PSMC6: variants seen among roughly 807,000 people sequenced by gnomAD.
PSMC6 encodes proteasome 26S subunit, ATPase 6.
In PSMC6, 3 loss-of-function variants were observed where a neutral mutation model predicts 55.9. The observed-to-expected ratio is 0.05, with a 90% CI of 0.02 to 0.14. The LOEUF (loss-of-function observed/expected upper bound fraction) is 0.14. PSMC6 is among the 10% of genes least tolerant of loss of function. PSMC6 has a pLI of 1.00. For synonymous variants in PSMC6, 137 were observed against 155.9 expected (o/e 0.88, Z 0.90); for missense variants, 210 against 478.7 (o/e 0.44, Z 5.24).
At chr14:52,719,104 A>G in intron 10 of PSMC6, 66 bp downstream of exon 10, 5 of 1,274,108 alleles carry the variant, frequency 3.9e-6, no homozygotes, top group Non-Finnish European at 4.5e-6. Flanking sequence ...TGAACATTGC[A>G]TATTTGATAG....
intron 2 of PSMC6, 40 bp from the exon 3 acceptor site, chr14:52,708,443 G>T: frequency 6.2e-7 from 1 of 1,613,392 alleles, no homozygotes; most frequent in East Asian, 2.2e-5. Flanking sequence ...TTTTTATTTA[G>T]CTGTTGCCAA....
chr14:52,718,503 T>C, intron 9 of PSMC6, 151 bp downstream of exon 9: 1 of 869,602 alleles, frequency 1.1e-6, no homozygotes, highest in East Asian at 3.0e-5. Context: ...AAATAACCTT[T>C]CATGGCCGGG....
At chr14:52,714,556 CTACTT>C (rs753655723) in intron 7 of PSMC6, among the ~76,000 whole-genome samples, 2 of 152,080 alleles carry the variant, frequency 1.3e-5, no homozygotes, top group Non-Finnish European at 2.9e-5. Flanking sequence ...AAGGTCAAAA[CTACTT>C]TATAATACTG....
chr14:52,712,384 T>TAAAAAAAAAAAAAA lies in PSMC6; in HGVS notation c.441+870_441+871insAAAAAAAAAAAAAA, dbSNP rs35697515. ...ACTTGAGGAAGCACTGGTCTAAGTGTAAAAAAAAAAGGCAGTTCTCACCTG... is the reference window on the plus strand; with the variant it reads ...ACTTGAGGAAGCACTGGTCTAAGTGTAAAAAAAAAAAAAAAAAAAAAAAAGGCAGTTCTCACCTG... On this transcript the variant is annotated intron_variant, in intron 6 of 13. Coordinates refer to ENST00000445930, the MANE Select transcript of PSMC6 (RefSeq NM_002806.5). Among the ~76,000 whole-genome samples the TAAAAAAAAAAAAAA allele has an allele frequency of 1.1e-4, 15 of 139,430 alleles. 1 individual carries two copies. Among genetic ancestry groups the TAAAAAAAAAAAAAA allele is most frequent in the African/African-American group, 2.7e-4 (10 of 36,966 alleles). The allele number at this position is 139,430 out of a possible 152,430, so 91.5% of individuals were successfully genotyped here.
At position 52,708,343 on chromosome 14, in the gene PSMC6, T is replaced by C; in HGVS notation, c.120T>C (p.Tyr40=). Residue 40 remains tyrosine, a synonymous_variant, in exon 2 of 14, where the codon TAT becomes TAC. Transcript: ENST00000445930. Reference sequence around the variant, plus strand: ...AATTAAAAGAACTTACCAAGCAGTATGAAAAGTCTGAAAATGATCTGAAGG... The same window carrying C: ...AATTAAAAGAACTTACCAAGCAGTACGAAAAGTCTGAAAATGATCTGAAGG... ...REQLKELTKQ[Y]EKSENDLKAL... The C allele has an allele frequency of 3.1e-6, 5 of 1,613,098 alleles. No individual in the cohort carries two copies. Among genetic ancestry groups the C allele is most frequent in the Non-Finnish European group, 4.2e-6 (5 of 1,179,124 alleles).
intron 10 of PSMC6, among the ~76,000 whole-genome samples, chr14:52,720,075 T>C (rs1296506089): frequency 6.6e-6 from 1 of 151,666 alleles, no homozygotes; most frequent in African/African-American, 2.4e-5. Context: ...ATACAAAAAT[T>C]AGCTGGGCGT....
intron 9 of PSMC6, 197 bp from the exon 10 acceptor site, chr14:52,718,780 G>A (rs898683458): frequency 3.4e-5 from 19 of 558,788 alleles, no homozygotes; most frequent in South Asian, 4.5e-5. Context: ...GCGAGACTCC[G>A]TCTCAATAAA....
In PSMC6 at chr14:52,718,210, C is replaced by T; in HGVS notation, c.592-19C>T. 1 of 1,609,916 alleles carries T rather than the reference C, an allele frequency of 6.2e-7. No individual in the cohort carries two copies. On this transcript the variant is annotated intron_variant, in intron 8 of 13. Transcript: ENST00000445930. Reference sequence around the variant, plus strand: ...CTTGAATTATCTTATATTTACCTTACTGTTTTTCCTTTAATCAGGTTGTAT... The same window carrying T: ...CTTGAATTATCTTATATTTACCTTATTGTTTTTCCTTTAATCAGGTTGTAT...
intron 4 of PSMC6, chr14:52,709,809 T>G (rs891662114): frequency 4.4e-6 from 1 of 229,520 alleles, no homozygotes; most frequent in African/African-American, 2.4e-5. Flanking sequence ...AATCAAAAGT[T>G]TGAAATGCTC....
chr14:52,711,760 A>G lies in PSMC6; in HGVS notation c.441+236A>G, dbSNP rs17125679. Reference sequence around the variant, plus strand: ...GAAAAATCCTGCTCTTTTTGTGGCAAAGGAACGGAGAAAAAGCTAAAAATA... The same window carrying G: ...GAAAAATCCTGCTCTTTTTGTGGCAGAGGAACGGAGAAAAAGCTAAAAATA... On this transcript the variant is annotated intron_variant, in intron 6 of 13. Coordinates refer to ENST00000445930, the MANE Select transcript of PSMC6 (RefSeq NM_002806.5). Among the ~76,000 whole-genome samples the G allele has an allele frequency of 4.3e-3, 656 of 152,268 alleles. 5 individuals carry two copies. The highest frequency in any genetic ancestry group is 0.015 in the African/African-American group (617 of 41,542).
chr14:52,722,990 A>G (rs1880261572), intron 12 of PSMC6: 1 of 152,232 alleles, frequency 6.6e-6, no homozygotes, highest in South Asian at 2.1e-4. Context: ...GGTCCAGAAT[A>G]ATGACAAATA....
chr14:52,718,624 A>G (rs1431238126), intron 9 of PSMC6: 3 of 392,168 alleles, frequency 7.6e-6, no homozygotes, highest in Admixed American at 4.1e-5. Context: ...TGTCTCTACT[A>G]AAAATACAAA....
chr14:52,712,732 C>T (rs1037530786), intron 6 of PSMC6, among the ~76,000 whole-genome samples: 3 of 151,958 alleles, frequency 2.0e-5, no homozygotes, highest in Non-Finnish European at 4.4e-5. Context: ...AAGTCATCCT[C>T]TCACCTCACC....
chr14:52,724,118 A>G (rs1464192081), intron 13 of PSMC6, 82 bp downstream of exon 13: 1 of 1,306,320 alleles, frequency 7.7e-7, no homozygotes, highest in Non-Finnish European at 1.1e-6. Context: ...CTGAAAGCGG[A>G]GCATAGACTT....
chr14:52,715,868 C>T (rs1158706103), intron 7 of PSMC6, among the ~76,000 whole-genome samples: 3 of 152,142 alleles, frequency 2.0e-5, no homozygotes, highest in Non-Finnish European at 2.9e-5. Context: ...CCGCCCACCT[C>T]AGCCTCCCAA....
Position 52,727,947 on chromosome 14 carries a change from C to T in PSMC6, c.*330C>T, listed in dbSNP as rs1880489176. 2 of 185,386 alleles carry T rather than the reference C, an allele frequency of 1.1e-5. No homozygotes were observed. Among genetic ancestry groups the T allele is most frequent in the Non-Finnish European group, 2.3e-5 (2 of 88,360 alleles). The allele number at this position is 185,386 out of a possible 1,614,324, so 11.5% of individuals were successfully genotyped here. A position where few individuals can be genotyped will look rare whatever the true frequency, so the allele number is the denominator to read the frequency against. ...TGACTTATTTTGTATCATTTGTTTT[C>T]CTCATCTAAAAAGTTGAATAAAATC... On this transcript the variant is annotated 3_prime_UTR_variant, in exon 14 of 14. Transcript: ENST00000445930.
At chr14:52,714,009 G>T in intron 7 of PSMC6, 41 bp downstream of exon 7, 1 of 1,149,648 alleles carries the variant, frequency 8.7e-7, no homozygotes, top group Non-Finnish European at 1.3e-6. Flanking sequence ...TAAGATAAAT[G>T]AATTAAGGAA....
Position 52,708,771 on chromosome 14 carries a change from T to A in PSMC6, c.213T>A (p.Val71=). ...LKQLTEEKFI[V]KATNGPRYVV... Reference sequence around the variant, plus strand: ...TTATGTTTTTTCTTCTAGTCATTGTTAAAGCTACCAATGGACCAAGATATG... The same window carrying A: ...TTATGTTTTTTCTTCTAGTCATTGTAAAAGCTACCAATGGACCAAGATATG... Residue 71 remains valine (V), a synonymous_variant, in exon 4 of 14, where the codon GTT becomes GTA. Coordinates refer to ENST00000445930, the MANE Select transcript of PSMC6 (RefSeq NM_002806.5). 6.2e-7 allele frequency: 1 copy of A among 1,613,602 alleles called. No homozygotes were observed. Among genetic ancestry groups the A allele is most frequent in the Non-Finnish European group, 8.5e-7 (1 of 1,179,810 alleles).
At chr14:52,718,619 C>T in intron 9 of PSMC6, 1 of 392,686 alleles carries the variant, frequency 2.5e-6, no homozygotes, top group East Asian at 5.3e-5. Context: ...AACCCTGTCT[C>T]TACTAAAAAT....
Sources: allele counts gnomAD v4.1 joint callset (sites outside exome capture counted in the v4.1 genomes callset), GRCh38; gene constraint gnomAD v4.1.1; transcripts MANE v1.5; gene names NCBI Gene and HGNC (gene_info 2026-07-23, HGNC 2026-07-21).